MAP3K2: variants seen among roughly 807,000 people sequenced by gnomAD.
MAP3K2 encodes MAP/ERK kinase kinase 2.
A neutral mutation model predicts 80.3 loss-of-function variants in MAP3K2; 24 were observed. The observed-to-expected ratio is 0.30, with a 90% CI of 0.22 to 0.42. The LOEUF (loss-of-function observed/expected upper bound fraction) is 0.42. Among genes scored for constraint, MAP3K2 ranks in the 10% least tolerant of loss-of-function variants. The pLI, the probability that MAP3K2 is intolerant of heterozygous loss-of-function variation, is 1.00. For missense variants in MAP3K2, 608 were observed against 750.1 expected (o/e 0.81, Z 2.21); for synonymous variants, 244 against 253.7 (o/e 0.96, Z 0.36).
chr2:127,333,818 G>A (rs1043836429), intron 5 of MAP3K2, among the ~76,000 whole-genome samples: 2 of 152,090 alleles, frequency 1.3e-5, no homozygotes, highest in Admixed American at 1.3e-4. Context: ...TACAGATCAG[G>A]CCAGGCGCGG....
chr2:127,319,970 A>C, intron 12 of MAP3K2, among the ~76,000 whole-genome samples: 1 of 152,118 alleles, frequency 6.6e-6, no homozygotes, highest in East Asian at 1.9e-4. Flanking sequence ...CAAAATCCAA[A>C]CCCAGCTCAA....
At position 127,299,994 on chromosome 2, in the gene MAP3K2, C is replaced by T. The variant is rs1003332246; in HGVS notation, c.*7585G>A. The T allele has an allele frequency of 2.0e-5, 3 of 151,556 alleles. No homozygotes were observed. The highest frequency in any genetic ancestry group is 4.4e-5 in the Non-Finnish European group (3 of 67,916). The allele number at this position is 151,556 out of a possible 1,614,324, so 9.4% of individuals were successfully genotyped here. ...ACATCCCCTGATACACAGTTAAAAG[C>T]ATACTTTCAACTTAGTAATGGATTT... On this transcript the variant is annotated 3_prime_UTR_variant, in exon 17 of 17. Coordinates refer to ENST00000682094, the MANE Select transcript of MAP3K2 (RefSeq NM_001371910.2).
In MAP3K2 at chr2:127,321,301, A is replaced by G. The variant is rs1298374757; in HGVS notation, c.1045+745T>C. ...TATACAAAGATCTATAAAAATGAAT[A>G]GACTGAAGATATATATAAAAGACAT... On this transcript the variant is annotated intron_variant, in intron 12 of 16. Transcript: ENST00000682094. This position sits in a 1 kb window ranked among gnomAD's most constrained non-coding sequence, Gnocchi z 4.4. Among the ~76,000 whole-genome samples, 1 of 152,224 alleles carries G rather than the reference A, an allele frequency of 6.6e-6. No individual in the cohort carries two copies. Among genetic ancestry groups the G allele is most frequent in the Non-Finnish European group, 1.5e-5 (1 of 68,036 alleles).
intron 12 of MAP3K2, among the ~76,000 whole-genome samples, chr2:127,320,958 A>G (rs1480148413): frequency 6.6e-6 from 1 of 152,260 alleles, no homozygotes; most frequent in East Asian, 1.9e-4. Context: ...ACTCTCTACA[A>G]AAAATACAAA....
chr2:127,317,313 C>T lies in MAP3K2; in HGVS notation c.1326+316G>A, dbSNP rs189450286. On this transcript the variant is annotated intron_variant, in intron 14 of 16. Coordinates refer to ENST00000682094, the MANE Select transcript of MAP3K2 (RefSeq NM_001371910.2). The stretch of plus-strand genomic sequence containing the variant: ...AGAGAGAGATAATTAAGGGGCATAA[C>T]AATTAAATGTATGTATAGACTGGAA... 1.4e-4 allele frequency among the ~76,000 whole-genome samples: 21 copies of T among 152,084 alleles called. No individual in the cohort carries two copies. In the East Asian group the frequency reaches 3.9e-3, roughly 28 times the overall value.
rs1685565806 is a variant in MAP3K2, at chr2:127,300,265, T to C, written c.*7314A>G. The stretch of plus-strand genomic sequence containing the variant: ...ATTATTGGTCAGAGTAGTAAATCAG[T>C]GTACAAATTAAACATTTCCAAAAAT... On this transcript the variant is annotated 3_prime_UTR_variant, in exon 17 of 17. Transcript: ENST00000682094. 6.6e-6 allele frequency: 1 copy of C among 152,266 alleles called. No homozygotes were observed. The highest frequency in any genetic ancestry group is 2.4e-5 in the African/African-American group (1 of 41,570). 9.4% of individuals were successfully genotyped at this position (152,266 alleles called of 1,614,324 possible).
chr2:127,376,933 T>G lies in MAP3K2; in HGVS notation c.-66+10519A>C, dbSNP rs558283089. Among the ~76,000 whole-genome samples, 7 of 151,994 alleles carry G rather than the reference T, an allele frequency of 4.6e-5. No homozygotes were observed. The East Asian group carries it at 1.2e-3, about 25-fold the overall frequency. ...TAAAAATTAGTTGGGTATAATGGTG[T>G]GCCTGTAGTCCCAGCTACTCAGGAA... On this transcript the variant is annotated intron_variant, in intron 1 of 16. Transcript: ENST00000682094.
At position 127,328,147 on chromosome 2, in the gene MAP3K2, C is replaced by T. The variant is rs146341028; in HGVS notation, c.467-1330G>A. ...AAAATTAGCCAGGCATGGTGGCGGG[C>T]GCCTGTAATCTCAGTTATTCAGGAG... On this transcript the variant is annotated intron_variant, in intron 7 of 16. Coordinates refer to ENST00000682094, the MANE Select transcript of MAP3K2 (RefSeq NM_001371910.2). Among the ~76,000 whole-genome samples, 535 of 152,194 alleles carry T rather than the reference C, an allele frequency of 3.5e-3. 2 individuals are homozygous for T. The highest frequency in any genetic ancestry group is 0.012 in the African/African-American group (496 of 41,518).
At position 127,322,376 on chromosome 2, in the gene MAP3K2, G is replaced by A; in HGVS notation, c.839-124C>T. ...TGACTAGGCTAAGAAACTCAAATAG[G>A]AATGATTGGGTGGGAAAAAATAAAC... On this transcript the variant is annotated intron_variant, in intron 11 of 16. Coordinates refer to ENST00000682094, the MANE Select transcript of MAP3K2 (RefSeq NM_001371910.2). The surrounding 1 kb of genome is among the most constrained non-coding windows in gnomAD (Gnocchi z 4.2). 1 of 607,808 alleles carries A rather than the reference G, an allele frequency of 1.6e-6. No individual in the cohort carries two copies. The allele number at this position is 607,808 out of a possible 1,614,324, so 37.7% of individuals were successfully genotyped here.
rs1685871152 is a variant in MAP3K2, at chr2:127,314,849, G to A, written c.1361C>T (p.Ala454Val). 6.2e-7 allele frequency: 1 copy of A among 1,610,836 alleles called. No homozygotes were observed. The highest frequency in any genetic ancestry group is 1.1e-5 in the South Asian group (1 of 90,882). The change falls in exon 15 of 17, where the codon GCT becomes GTT. Residue 454 changes from alanine (A) to valine (V), a missense_variant. By Grantham distance (64) the Ala-to-Val change is moderately conservative. Transcript: ENST00000682094. ...TTTCCTAGTCACATTCTCAGTAAGA[G>A]CGCCATATGCTTTTAATTGGTCCTT... The part of the protein sequence containing the change: ...SIKDQLKAYG[A>V]LTENVTRKYT...
rs1280176370 is a variant in MAP3K2, at chr2:127,304,137, C to T, written c.*3442G>A. The T allele has an allele frequency of 6.6e-6, 1 of 151,940 alleles. No individual in the cohort carries two copies. Among genetic ancestry groups the T allele is most frequent in the Non-Finnish European group, 1.5e-5 (1 of 67,964 alleles). 9.4% of individuals were successfully genotyped at this position (151,940 alleles called of 1,614,324 possible). A position where few individuals can be genotyped will look rare whatever the true frequency, so the allele number is the denominator to read the frequency against. On this transcript the variant is annotated 3_prime_UTR_variant, in exon 17 of 17. Coordinates refer to ENST00000682094, the MANE Select transcript of MAP3K2 (RefSeq NM_001371910.2). ...AGCAAATGCATTAATATTTTAATTC[C>T]TTATATATGTTATGTAAGGGTAACT... is the stretch of plus-strand genomic sequence containing the variant.
chr2:127,340,562 C>A (rs1378534320), intron 2 of MAP3K2, among the ~76,000 whole-genome samples: 1 of 151,676 alleles, frequency 6.6e-6, no homozygotes, highest in Non-Finnish European at 1.5e-5. Flanking sequence ...GAGGCTAAGG[C>A]AGGAGAATCT....
chr2:127,342,342 C>T (rs1217975804), intron 2 of MAP3K2, among the ~76,000 whole-genome samples: 2 of 151,424 alleles, frequency 1.3e-5, no homozygotes, highest in African/African-American at 4.9e-5. Flanking sequence ...TGAAAGTGTC[C>T]TAGCCCCCAC....
At position 127,318,224 on chromosome 2, in the gene MAP3K2, C is replaced by T; in HGVS notation, c.1139G>A (p.Arg380Lys). The T allele has an allele frequency of 1.2e-6, 2 of 1,612,052 alleles. No homozygotes were observed. The highest frequency in any genetic ancestry group is 1.7e-6 in the Non-Finnish European group (2 of 1,179,152). ...TTGAACTTGCTTAACAGCCAATTCT[C>T]TTCCTGTATCAACATCATAACAGAG... is the stretch of plus-strand genomic sequence containing the variant. ...VYLCYDVDTG[R>K]ELAVKQVQFD... is the part of the protein sequence containing the mutation. The change falls in exon 13 of 17, where the codon AGA becomes AAA. Residue 380 changes from arginine to lysine, a missense_variant. Coordinates refer to ENST00000682094, the MANE Select transcript of MAP3K2 (RefSeq NM_001371910.2).
rs1687403252 is a variant in MAP3K2, at chr2:127,387,911, C to A, written c.-525G>T. On this transcript the variant is annotated 5_prime_UTR_variant, in exon 1 of 17. Transcript: ENST00000682094. ...CGAACGCTGCGCCCAGCGGCCGCGG[C>A]ACCCTCGTCAGGCGCCGCCGCTGAG... The A allele has an allele frequency of 1.0e-6, 1 of 982,152 alleles. No individual in the cohort carries two copies. The allele number at this position is 982,152 out of a possible 1,614,324, so 60.8% of individuals were successfully genotyped here. A position where few individuals can be genotyped will look rare whatever the true frequency, so the allele number is the denominator to read the frequency against.
At chr2:127,365,116 C>CAAAAAAAAAAAAAAAAAAAAA (rs10558890) in intron 1 of MAP3K2, among the ~76,000 whole-genome samples, 3 of 31,654 alleles carry the variant, frequency 9.5e-5, no homozygotes, top group Non-Finnish European at 1.2e-4. Flanking sequence ...GACTCTGCCT[C>CAAAAAAAAAAAAAAAAAAAAA]AAAAAAAAAA....
At position 127,305,336 on chromosome 2, in the gene MAP3K2, G is replaced by C. The variant is rs544426089; in HGVS notation, c.*2243C>G. 3.3e-5 allele frequency: 5 copies of C among 152,278 alleles called. No homozygotes were observed. The South Asian group carries it at 6.2e-4, about 19-fold the overall frequency. 9.4% of individuals were successfully genotyped at this position (152,278 alleles called of 1,614,324 possible). ...TCCACACACTTGGGGATTCTTTCTA[G>C]AACAAAATTTGGCAGTTGCTTTACC... On this transcript the variant is annotated 3_prime_UTR_variant, in exon 17 of 17. Transcript: ENST00000682094.
chr2:127,343,062 A>C, intron 2 of MAP3K2, 64 bp downstream of exon 2: 1 of 1,326,200 alleles, frequency 7.5e-7, no homozygotes, highest in South Asian at 1.3e-5. Context: ...ATAATAGAGA[A>C]AGTTTTTTCA....
chr2:127,331,497 G>T (rs1197897301), intron 5 of MAP3K2, among the ~76,000 whole-genome samples: 1 of 152,174 alleles, frequency 6.6e-6, no homozygotes, highest in Non-Finnish European at 1.5e-5. Flanking sequence ...AGACAACCTG[G>T]TAAATGCTGT....
Sources: gnomAD v4.1 joint callset for allele counts (sites outside exome capture counted in the v4.1 genomes callset) on GRCh38, gnomAD v4.1.1 for gene constraint, Gnocchi (gnomAD v3.1) non-coding constraint, MANE v1.5 for transcripts, NCBI Gene and HGNC (gene_info 2026-07-23, HGNC 2026-07-21) for gene names.